The following KIF16B variants were observed in gnomAD, a reference collection of about 807,000 sequenced individuals.
KIF16B encodes kinesin-like protein KIF16B.
A neutral mutation model predicts 156.3 loss-of-function variants in KIF16B; 98 were observed. The ratio of observed to expected loss-of-function variants is 0.63; its 90% CI spans 0.53 to 0.74. The LOEUF is 0.74. Ranked by LOEUF, KIF16B falls within the 30% of genes least tolerant of loss-of-function variation. The probability of loss-of-function intolerance (pLI) is 0.00; values close to 1 mark genes in which losing one functional copy is unlikely to be tolerated. For synonymous variants in KIF16B, 564 were observed against 583.7 expected, an observed-to-expected ratio of 0.97 and a Z score of 0.49; for missense variants, 1,421 against 1,606.5, an observed-to-expected ratio of 0.88 and a Z score of 1.97.
chr20:16,296,614 A>T (rs1273589758), intron 25 of KIF16B, among the ~76,000 whole-genome samples: 1 of 152,158 alleles, frequency 6.6e-6, no homozygotes, highest in Non-Finnish European at 1.5e-5. Context: ...GGAGCTGGGG[A>T]GATGACAGAT....
At chr20:16,315,693 C>A (rs549540288) in intron 24 of KIF16B, among the ~76,000 whole-genome samples, 5 of 152,198 alleles carry the variant, frequency 3.3e-5, no homozygotes, top group Non-Finnish European at 5.9e-5. Flanking sequence ...GGCTGGAGCT[C>A]CCCAGAAGTC....
chr20:16,471,671 A>T (rs2067665807), intron 12 of KIF16B, among the ~76,000 whole-genome samples: 1 of 152,210 alleles, frequency 6.6e-6, no homozygotes, highest in Non-Finnish European at 1.5e-5. Context: ...TAAAAATATG[A>T]TTTTAAAAAT....
intron 12 of KIF16B, among the ~76,000 whole-genome samples, chr20:16,461,558 G>A (rs1441215255): frequency 6.6e-6 from 1 of 152,096 alleles, no homozygotes; most frequent in East Asian, 1.9e-4. Context: ...ATCAGTGATT[G>A]AAAAACACAA....
At chr20:16,489,810 C>T (rs75039324) in intron 12 of KIF16B, among the ~76,000 whole-genome samples, 3 of 152,052 alleles carry the variant, frequency 2.0e-5, no homozygotes, top group African/African-American at 7.2e-5. Context: ...TGAGGGCCTG[C>T]GTTTCTAACC....
chr20:16,492,892 T>C (rs2068338067), intron 12 of KIF16B, among the ~76,000 whole-genome samples: 2 of 152,176 alleles, frequency 1.3e-5, no homozygotes, highest in African/African-American at 4.8e-5. Flanking sequence ...CATTACATGG[T>C]GCATGAAAAG....
chr20:16,421,758 G>A (rs559258694), intron 15 of KIF16B, among the ~76,000 whole-genome samples: 52 of 152,140 alleles, frequency 3.4e-4, no homozygotes, highest in Non-Finnish European at 6.2e-4. Flanking sequence ...ACTGCACAGC[G>A]TTTTAACACC....
intron 22 of KIF16B, chr20:16,369,000 A>G (rs1165521673): frequency 2.0e-6 from 2 of 985,766 alleles, no homozygotes; most frequent in Non-Finnish European, 1.2e-6. Context: ...ATTTTGGTTC[A>G]AAATGGCCAG....
At chr20:16,313,298 A>C (rs932783949) in intron 24 of KIF16B, among the ~76,000 whole-genome samples, 2 of 152,248 alleles carry the variant, frequency 1.3e-5, no homozygotes, top group Non-Finnish European at 2.9e-5. Flanking sequence ...CCCACAATGT[A>C]GGGCACAATA....
intron 22 of KIF16B, chr20:16,368,049 T>C (rs2064721325): frequency 1.4e-6 from 2 of 1,383,186 alleles, no homozygotes; most frequent in Non-Finnish European, 1.9e-6. Context: ...GGTCAGGTGC[T>C]GTGCAGGCAG....
intron 24 of KIF16B, among the ~76,000 whole-genome samples, chr20:16,329,129 T>C (rs1394034825): frequency 2.0e-5 from 3 of 152,234 alleles, no homozygotes; most frequent in Non-Finnish European, 4.4e-5. Flanking sequence ...CATCCAACTT[T>C]ATTAAAATAC....
chr20:16,495,514 C>A (rs1241490163), intron 11 of KIF16B, among the ~76,000 whole-genome samples: 1 of 152,142 alleles, frequency 6.6e-6, no homozygotes, highest in Non-Finnish European at 1.5e-5. Flanking sequence ...CAGGGGTCCT[C>A]AATTTACCTC....
intron 23 of KIF16B, among the ~76,000 whole-genome samples, chr20:16,347,961 A>G (rs2064265018): frequency 1.3e-5 from 2 of 152,330 alleles, no homozygotes; most frequent in South Asian, 4.1e-4. Flanking sequence ...CTGCCAAATA[A>G]AGAGAAATTT....
At chr20:16,431,913 T>TACACACACACACACACACACAC (rs74175693) in intron 12 of KIF16B, among the ~76,000 whole-genome samples, 154 of 143,822 alleles carry the variant, frequency 1.1e-3, no homozygotes, top group African/African-American at 2.7e-3. Flanking sequence ...TGTATACGTA[T>TACACACACACACACACACACAC]ACACACACAC....
At chr20:16,494,191 A>G in intron 12 of KIF16B, 100 bp downstream of exon 12, 4 of 704,808 alleles carry the variant, frequency 5.7e-6, no homozygotes, top group Non-Finnish European at 7.3e-6. Context: ...TTACCTTAAC[A>G]AAGTATACAA....
chr20:16,561,360 CT>C (rs2071055584), intron 1 of KIF16B, among the ~76,000 whole-genome samples: 1 of 152,124 alleles, frequency 6.6e-6, no homozygotes, highest in East Asian at 1.9e-4. Context: ...TACTGTGGAT[CT>C]TGTTTGAAGC....
At chr20:16,507,037 C>A (rs1011938535) in intron 7 of KIF16B, among the ~76,000 whole-genome samples, 2 of 150,702 alleles carry the variant, frequency 1.3e-5, no homozygotes, top group Admixed American at 6.6e-5. Context: ...GAGGTTGAGA[C>A]TGCAGTGAGC....
intron 17 of KIF16B, among the ~76,000 whole-genome samples, chr20:16,396,808 A>G (rs1158285653): frequency 6.6e-6 from 1 of 152,152 alleles, no homozygotes; most frequent in Non-Finnish European, 1.5e-5. Context: ...CTGGGTCTGC[A>G]CTAGCCCTGA....
At chr20:16,289,868 TAAAAC>T (rs2063288101) in intron 25 of KIF16B, among the ~76,000 whole-genome samples, 1 of 152,130 alleles carries the variant, frequency 6.6e-6, no homozygotes, top group African/African-American at 2.4e-5. Flanking sequence ...AGAGTTGTGT[TAAAAC>T]AAAGAAGAGT....
At chr20:16,465,971 A>G (rs1197431087) in intron 12 of KIF16B, among the ~76,000 whole-genome samples, 1 of 152,232 alleles carries the variant, frequency 6.6e-6, no homozygotes, top group Non-Finnish European at 1.5e-5. Context: ...TTAAACAAAT[A>G]ATGCAATAGT....
Sources: gnomAD v4.1 joint callset for allele counts (sites outside exome capture counted in the v4.1 genomes callset) on GRCh38, gnomAD v4.1.1 for gene constraint, MANE v1.5 for transcripts, NCBI Gene and HGNC (gene_info 2026-07-23, HGNC 2026-07-21) for gene names.